Variants in FOXN3 observed in about 807,000 individuals in gnomAD.
The protein encoded by FOXN3 is forkhead box N3.
A neutral mutation model predicts 38.4 loss-of-function variants in FOXN3; 7 were observed. That is an observed-to-expected ratio of 0.18 (90% CI 0.10 to 0.34). The LOEUF (loss-of-function observed/expected upper bound fraction) is 0.34, where lower values mean the gene tolerates loss of function less well. Ranked by LOEUF, FOXN3 falls within the 10% of genes least tolerant of loss-of-function variation. The pLI, the probability that FOXN3 is intolerant of heterozygous loss-of-function variation, is 1.00. For missense variants in FOXN3, 456 were observed against 613.4 expected (o/e 0.74, Z 2.71); for synonymous variants, 230 against 242.2 (o/e 0.95, Z 0.47).
chr14:89,526,263 C>A (rs1038365017), intron 1 of FOXN3, among the ~76,000 whole-genome samples: 1 of 152,010 alleles, frequency 6.6e-6, no homozygotes, highest in African/African-American at 2.4e-5. Context: ...GAGGTTCTAA[C>A]CATGCCATCA....
chr14:89,304,786 G>T (rs567005576), intron 3 of FOXN3, among the ~76,000 whole-genome samples: 1 of 152,138 alleles, frequency 6.6e-6, no homozygotes, highest in African/African-American at 2.4e-5. Flanking sequence ...CAGACCTTCT[G>T]CACAGAGCTG....
intron 1 of FOXN3, among the ~76,000 whole-genome samples, chr14:89,561,336 C>G (rs1013614516): frequency 2.0e-5 from 3 of 152,224 alleles, no homozygotes; most frequent in African/African-American, 7.2e-5. Context: ...CCTCAGCCTC[C>G]CAAGTAGCTG....
Position 89,412,144 on chromosome 14 carries a change from G to A in FOXN3, c.333C>T (p.Pro111=). The A allele has an allele frequency of 6.2e-7, 1 of 1,611,236 alleles. No individual in the cohort carries two copies. ...SDMPYDARQN[P]NCKPPYSFSC... is the part of the protein sequence containing the mutation. ...TGAAGGAGTAGGGGGGTTTGCAGTT[G>A]GGGTTCTGCCTGGCATCGTAGGGCA... Residue 111 remains proline, a synonymous_variant, in exon 2 of 6, where the codon CCC becomes CCT. Coordinates refer to ENST00000557258, the MANE Select transcript of FOXN3 (RefSeq NM_005197.4). The surrounding 1 kb of genome is among the most constrained non-coding windows in gnomAD (Gnocchi z 4.7).
chr14:89,363,988 A>ATATATATATATATATATATATAATAT (rs1420813459), intron 2 of FOXN3, among the ~76,000 whole-genome samples: 2 of 52,054 alleles, frequency 3.8e-5, no homozygotes, highest in Admixed American at 2.0e-4. Flanking sequence ...ATATATATAT[A>ATATATATATATATATATATATAATAT]ATATATATAT....
intron 1 of FOXN3, among the ~76,000 whole-genome samples, chr14:89,586,857 A>G (rs1263974890): frequency 6.6e-6 from 1 of 152,260 alleles, no homozygotes; most frequent in African/African-American, 2.4e-5. Context: ...CAAAAAGGGA[A>G]ACATTTCCAA....
intron 4 of FOXN3, among the ~76,000 whole-genome samples, chr14:89,231,830 G>T (rs997991034): frequency 9.2e-5 from 14 of 152,250 alleles, no homozygotes; most frequent in Non-Finnish European, 2.1e-4. Context: ...ATGGAAGCAG[G>T]TGGTGGCGGG....
chr14:89,350,878 T>C (rs1888939234), intron 2 of FOXN3, 70 bp from the exon 3 acceptor site: 5 of 1,148,338 alleles, frequency 4.4e-6, no homozygotes, highest in Admixed American at 6.1e-5. Flanking sequence ...AGTAGATGTA[T>C]AGCTATTATC....
At position 89,484,559 on chromosome 14, in the gene FOXN3, C is replaced by A. The variant is rs114257021; in HGVS notation, c.-14-72069G>T. On this transcript the variant is annotated intron_variant, in intron 1 of 6. Transcript: ENST00000345097. The surrounding 1 kb of genome is among the most constrained non-coding windows in gnomAD (Gnocchi z 4.0). Reference sequence around the variant, plus strand: ...AGTACATTGGCGATGCACAGACAGGCGGCAGGCAGTATTTGGCCCCTGGGC... The same window carrying A: ...AGTACATTGGCGATGCACAGACAGGAGGCAGGCAGTATTTGGCCCCTGGGC... Among the ~76,000 whole-genome samples the A allele has an allele frequency of 2.6e-5, 4 of 152,332 alleles. No individual in the cohort carries two copies. Among genetic ancestry groups the A allele is most frequent in the African/African-American group, 7.2e-5 (3 of 41,580 alleles).
intron 4 of FOXN3, among the ~76,000 whole-genome samples, chr14:89,184,550 C>G (rs570625493): frequency 1.3e-5 from 2 of 152,354 alleles, no homozygotes; most frequent in South Asian, 2.1e-4. Context: ...CCTTGTCTCA[C>G]GGAACCCTCA....
intron 4 of FOXN3, among the ~76,000 whole-genome samples, chr14:89,270,380 G>A (rs993266402): frequency 2.6e-5 from 4 of 152,236 alleles, no homozygotes; most frequent in African/African-American, 9.6e-5. Flanking sequence ...GCAAGACATT[G>A]CAGAAATGCT....
chr14:89,272,624 G>A (rs532845507), intron 4 of FOXN3, among the ~76,000 whole-genome samples: 196 of 152,290 alleles, frequency 1.3e-3, no homozygotes, highest in African/African-American at 4.4e-3. Flanking sequence ...GGCTGAGGCG[G>A]GCAGATCACC....
intron 4 of FOXN3, among the ~76,000 whole-genome samples, chr14:89,222,677 C>T (rs1884504568): frequency 6.6e-6 from 1 of 152,148 alleles, no homozygotes; most frequent in South Asian, 2.1e-4. Flanking sequence ...GGCAGCCCCA[C>T]CTTCCCACCC....
intron 2 of FOXN3, chr14:89,364,373 T>C (rs1890070895): frequency 6.6e-6 from 1 of 151,610 alleles, no homozygotes; most frequent in African/African-American, 2.4e-5. Flanking sequence ...TGTTTTTGTT[T>C]TTGTTTTTGT....
intron 2 of FOXN3, among the ~76,000 whole-genome samples, chr14:89,385,183 CT>C (rs1485124924): frequency 6.6e-6 from 1 of 152,110 alleles, no homozygotes; most frequent in Non-Finnish European, 1.5e-5. Context: ...ACCTATATGT[CT>C]TATGGCAAGC....
intron 5 of FOXN3, among the ~76,000 whole-genome samples, chr14:89,168,816 G>A (rs78799388): frequency 2.0e-5 from 3 of 152,142 alleles, no homozygotes; most frequent in Non-Finnish European, 2.9e-5. Context: ...ACACATCACA[G>A]TCAAACTTTA....
intron 1 of FOXN3, among the ~76,000 whole-genome samples, chr14:89,440,795 C>T (rs945799402): frequency 1.3e-5 from 2 of 152,188 alleles, no homozygotes; most frequent in Non-Finnish European, 2.9e-5. Context: ...CACACAGATG[C>T]CATGAAAAGT....
chr14:89,523,057 TC>T (rs1274931696), intron 1 of FOXN3, among the ~76,000 whole-genome samples: 1 of 151,988 alleles, frequency 6.6e-6, no homozygotes, highest in Non-Finnish European at 1.5e-5. Flanking sequence ...TCAAAAGAAA[TC>T]TCGAATAGCC....
In FOXN3 at chr14:89,503,830, A is replaced by G. The variant is rs193248883; in HGVS notation, c.-14-91340T>C. On this transcript the variant is annotated intron_variant, in intron 1 of 6. Coordinates refer to the FOXN3 transcript ENST00000345097. ...TAACACATAAGAGGGTTTCTAAAAT[A>G]TTCAAGATGGTTAGCAACTGGAGGA... Among the ~76,000 whole-genome samples the G allele has an allele frequency of 7.2e-5, 11 of 152,334 alleles. No homozygotes were observed. In the East Asian group the frequency reaches 1.9e-3, roughly 27 times the overall value.
chr14:89,279,641 G>C (rs766721949), intron 4 of FOXN3, among the ~76,000 whole-genome samples: 1 of 152,134 alleles, frequency 6.6e-6, no homozygotes, highest in African/African-American at 2.4e-5. Context: ...TTTAAATTAT[G>C]TGTTAATTTT....
Sources: gnomAD v4.1 joint callset for allele counts (sites outside exome capture counted in the v4.1 genomes callset) on GRCh38, gnomAD v4.1.1 for gene constraint, Gnocchi (gnomAD v3.1) non-coding constraint, MANE v1.5 for transcripts, NCBI Gene and HGNC (gene_info 2026-07-23, HGNC 2026-07-21) for gene names.